CADM2: variants seen among roughly 807,000 people sequenced by gnomAD.
The protein encoded by CADM2 is cell adhesion molecule 2.
CADM2 carries 12 observed loss-of-function variants against 49.8 expected under a neutral mutation model. That is an observed-to-expected ratio of 0.24 (90% CI 0.15 to 0.39). The LOEUF (loss-of-function observed/expected upper bound fraction) is 0.39, where lower values mean the gene tolerates loss of function less well. Ranked by LOEUF, CADM2 falls within the 10% of genes least tolerant of loss-of-function variation. The pLI is 1.00. For synonymous variants in CADM2, 214 were observed against 175.4 expected (o/e 1.22, Z -1.74); for missense variants, 378 against 492.3 (o/e 0.77, Z 2.20).
chr3:85,496,095 T>G (rs2039880342), intron 1 of CADM2, among the ~76,000 whole-genome samples: 1 of 152,216 alleles, frequency 6.6e-6, no homozygotes. Flanking sequence ...TCAGGTTTGT[T>G]ACAAGGATGT....
chr3:86,045,283 G>C (rs1736519846), intron 8 of CADM2, among the ~76,000 whole-genome samples: 2 of 152,118 alleles, frequency 1.3e-5, no homozygotes, highest in Non-Finnish European at 2.9e-5. Flanking sequence ...CTGTCATTGA[G>C]CTTCTGTGCT....
chr3:85,190,700 C>G (rs1385903090), intron 1 of CADM2, among the ~76,000 whole-genome samples: 1 of 152,118 alleles, frequency 6.6e-6, no homozygotes, highest in Non-Finnish European at 1.5e-5. Context: ...TAATGTACAT[C>G]AATCCGAATC....
chr3:85,351,271 C>A (rs1222413003), intron 1 of CADM2, among the ~76,000 whole-genome samples: 3 of 152,102 alleles, frequency 2.0e-5, no homozygotes, highest in Admixed American at 1.3e-4. Flanking sequence ...AAGCTGCCAC[C>A]AGCTGGTATC....
intron 1 of CADM2, among the ~76,000 whole-genome samples, chr3:85,455,909 C>G (rs2037970715): frequency 6.6e-6 from 1 of 152,052 alleles, no homozygotes. Flanking sequence ...TTCATGATGA[C>G]AAAGAGTAGA....
chr3:85,459,728 T>C (rs1015565474), intron 1 of CADM2, among the ~76,000 whole-genome samples: 1 of 152,248 alleles, frequency 6.6e-6, no homozygotes, highest in Non-Finnish European at 1.5e-5. Context: ...TTTCAGTTTA[T>C]TCCTATTGTA....
intron 1 of CADM2, among the ~76,000 whole-genome samples, chr3:85,126,720 A>G (rs1325718555): frequency 6.6e-6 from 1 of 152,132 alleles, no homozygotes. Context: ...GTGGCATATT[A>G]TAAAGTTTGC....
intron 1 of CADM2, among the ~76,000 whole-genome samples, chr3:85,590,686 G>T (rs2063081503): frequency 6.6e-6 from 1 of 151,600 alleles, no homozygotes; most frequent in Non-Finnish European, 1.5e-5. Context: ...GGGTGAAAAG[G>T]GTCTGGAACA....
chr3:85,706,087 T>A (rs1387424939), intron 1 of CADM2, among the ~76,000 whole-genome samples: 1 of 152,232 alleles, frequency 6.6e-6, no homozygotes, highest in African/African-American at 2.4e-5. Flanking sequence ...TTAGTAAATC[T>A]AATAATATGA....
chr3:85,552,978 C>G (rs1263381124), intron 1 of CADM2, among the ~76,000 whole-genome samples: 1 of 152,004 alleles, frequency 6.6e-6, no homozygotes, highest in Admixed American at 6.6e-5. Flanking sequence ...GTCCTGGCCT[C>G]TTAGTTTATT....
intron 1 of CADM2, 113 bp from the exon 2 acceptor site, chr3:85,726,409 C>A: frequency 8.7e-7 from 1 of 1,145,288 alleles, no homozygotes; most frequent in Non-Finnish European, 1.3e-6. Flanking sequence ...CATGAAATCA[C>A]AAATGTACTC....
At chr3:85,787,859 C>G (rs1437514715) in intron 2 of CADM2, among the ~76,000 whole-genome samples, 1 of 152,024 alleles carries the variant, frequency 6.6e-6, no homozygotes, top group African/African-American at 2.4e-5. Flanking sequence ...TGGGCTATAC[C>G]ATTGTTGTCT....
intron 2 of CADM2, among the ~76,000 whole-genome samples, chr3:85,796,524 A>G (rs1268082181): frequency 6.6e-6 from 1 of 152,148 alleles, no homozygotes; most frequent in Non-Finnish European, 1.5e-5. Flanking sequence ...CCTAAAAATT[A>G]CAGGGCGATG....
chr3:85,975,225 T>C (rs1402596095), intron 8 of CADM2, among the ~76,000 whole-genome samples: 2 of 151,364 alleles, frequency 1.3e-5, no homozygotes, highest in African/African-American at 4.8e-5. Context: ...TACCATGATA[T>C]GTGGTATTTA....
chr3:85,156,377 AAATGG>A (rs2040123496), intron 1 of CADM2, among the ~76,000 whole-genome samples: 1 of 152,198 alleles, frequency 6.6e-6, no homozygotes, highest in South Asian at 2.1e-4. Flanking sequence ...AATCTAGAAG[AAATGG>A]ATAAATTCCT....
intron 8 of CADM2, among the ~76,000 whole-genome samples, chr3:86,048,029 T>G (rs551270966): frequency 1.8e-4 from 27 of 152,262 alleles, no homozygotes; most frequent in African/African-American, 6.3e-4. Flanking sequence ...TAAGAAAACA[T>G]GTATCAAAGA....
At chr3:85,545,015 T>C (rs2061635885) in intron 1 of CADM2, among the ~76,000 whole-genome samples, 1 of 152,108 alleles carries the variant, frequency 6.6e-6, no homozygotes, top group South Asian at 2.1e-4. Context: ...TCAAAACCTA[T>C]ACACTGGCTC....
chr3:85,047,513 C>T (rs935588652), intron 1 of CADM2, among the ~76,000 whole-genome samples: 3 of 151,822 alleles, frequency 2.0e-5, no homozygotes, highest in Admixed American at 2.0e-4. Flanking sequence ...GGAGCAAGAC[C>T]CTGCAATGTG....
chr3:85,709,443 T>C (rs2067048002), intron 1 of CADM2, among the ~76,000 whole-genome samples: 1 of 152,166 alleles, frequency 6.6e-6, no homozygotes, highest in Non-Finnish European at 1.5e-5. Context: ...TTCCTTATAG[T>C]TTATTTCTCT....
intron 8 of CADM2, among the ~76,000 whole-genome samples, chr3:86,064,561 G>T (rs560654078): frequency 4.3e-4 from 65 of 152,174 alleles, no homozygotes; most frequent in African/African-American, 1.5e-3. Context: ...ATTCCTTTGG[G>T]TATATACCCA....
Sources: gnomAD v4.1 joint callset for allele counts (sites outside exome capture counted in the v4.1 genomes callset) on GRCh38, gnomAD v4.1.1 for gene constraint, MANE v1.5 for transcripts, NCBI Gene and HGNC (gene_info 2026-07-23, HGNC 2026-07-21) for gene names.